Variants in LRIG3 observed in about 807,000 individuals in gnomAD.
The protein encoded by LRIG3 is leucine rich repeats and immunoglobulin like domains 3.
A neutral mutation model predicts 114.5 loss-of-function variants in LRIG3; 76 were observed. That is an observed-to-expected ratio of 0.66 (90% CI 0.55 to 0.80). The LOEUF is 0.80. Among genes scored for constraint, LRIG3 ranks in the 30% least tolerant of loss-of-function variants. The probability of loss-of-function intolerance (pLI) is 0.00; values close to 1 mark genes in which losing one functional copy is unlikely to be tolerated. For synonymous variants in LRIG3, 512 were observed against 519.8 expected, an observed-to-expected ratio of 0.98 and a Z score of 0.20; for missense variants, 1,239 against 1,382.8, an observed-to-expected ratio of 0.90 and a Z score of 1.65.
intron 1 of LRIG3, among the ~76,000 whole-genome samples, chr12:58,917,801 T>C (rs902688558): frequency 4.6e-5 from 7 of 152,188 alleles, no homozygotes; most frequent in Non-Finnish European, 1.0e-4. Context: ...AGGTAAGATA[T>C]GGGGAACAAA....
At position 58,915,585 on chromosome 12, in the gene LRIG3, A is replaced by G. The variant is rs1490978530; in HGVS notation, c.237-1249T>C. Among the ~76,000 whole-genome samples, 4 of 152,150 alleles carry G rather than the reference A, an allele frequency of 2.6e-5. No homozygotes were observed. The East Asian group carries it at 5.8e-4, about 22-fold the overall frequency. Reference sequence around the variant, plus strand: ...AAATCTGCAAGGTTTTATTTGAAGTATGTTTGCCCAAAGACCTACCAGACA... The same window carrying G: ...AAATCTGCAAGGTTTTATTTGAAGTGTGTTTGCCCAAAGACCTACCAGACA... On this transcript the variant is annotated intron_variant, in intron 1 of 18. Coordinates refer to ENST00000320743, the MANE Select transcript of LRIG3 (RefSeq NM_153377.5).
Position 58,920,007 on chromosome 12 carries a change from C to A in LRIG3, c.229G>T (p.Ala77Ser). Residue 77 changes from alanine (A) to serine (S), a missense_variant, in exon 1 of 19, where the codon GCT (alanine) becomes TCT (serine). Ala to Ser is a moderately conservative substitution (Grantham distance 99, BLOSUM62 1). Transcript: ENST00000320743. Reference protein sequence around the residue: ...RLPEPLPSWVARLDLSHNRLS... With the variant: ...RLPEPLPSWVSRLDLSHNRLS... ...CGCGGGAAGAATACTTACAGCCGAG[C>A]GACCCAGGACGGGAGTGGCTCGGGA... 1 of 1,552,446 alleles carries A rather than the reference C, an allele frequency of 6.4e-7. No individual in the cohort carries two copies. The highest frequency in any genetic ancestry group is 2.4e-5 in the East Asian group (1 of 41,446).
At chr12:58,908,211 A>G (rs544368760) in intron 3 of LRIG3, among the ~76,000 whole-genome samples, 1 of 152,188 alleles carries the variant, frequency 6.6e-6, no homozygotes, top group African/African-American at 2.4e-5. Flanking sequence ...TCATCAACAC[A>G]CCCTTGAAGA....
At chr12:58,889,392 TTC>T (rs1184252512) in intron 5 of LRIG3, among the ~76,000 whole-genome samples, 2 of 152,188 alleles carry the variant, frequency 1.3e-5, no homozygotes, top group Non-Finnish European at 2.9e-5. Context: ...GTTTAATGCT[TTC>T]TCTTTAAGGC....
At chr12:58,878,682 T>G in intron 14 of LRIG3, 142 bp downstream of exon 14, 1 of 989,886 alleles carries the variant, frequency 1.0e-6, no homozygotes, top group Non-Finnish European at 1.5e-6. Context: ...AAGAGGCCAT[T>G]TGCATTAATA....
intron 16 of LRIG3, among the ~76,000 whole-genome samples, chr12:58,874,812 A>G (rs978989047): frequency 6.6e-6 from 1 of 152,238 alleles, no homozygotes; most frequent in Non-Finnish European, 1.5e-5. Flanking sequence ...TGATATGTGC[A>G]GATCCTGCAG....
In LRIG3 at chr12:58,872,570, G is replaced by A. The variant is rs11172788; in HGVS notation, c.*2C>T. On this transcript the variant is annotated 3_prime_UTR_variant, in exon 19 of 19. Transcript: ENST00000320743. ...TAAGCTTTTCCTTTGGTCTCATTCA[G>A]TCTATGTGTCCAAGTCATAAGACTG... is the stretch of plus-strand genomic sequence containing the variant. 6.2e-7 allele frequency: 1 copy of A among 1,610,056 alleles called. No individual in the cohort carries two copies. The highest frequency in any genetic ancestry group is 8.5e-7 in the Non-Finnish European group (1 of 1,177,568).
intron 1 of LRIG3, among the ~76,000 whole-genome samples, chr12:58,916,715 G>C (rs958475490): frequency 6.6e-6 from 1 of 152,174 alleles, no homozygotes; most frequent in African/African-American, 2.4e-5. Context: ...AGTAAGGTAC[G>C]GAAGTGTTAA....
chr12:58,920,307 C>T lies in LRIG3; in HGVS notation c.-72G>A, dbSNP rs1872628593. The T allele has an allele frequency of 9.3e-6, 11 of 1,188,094 alleles. No individual in the cohort carries two copies. The highest frequency in any genetic ancestry group is 2.4e-5 in the South Asian group (1 of 41,034). The allele number at this position is 1,188,094 out of a possible 1,614,324, so 73.6% of individuals were successfully genotyped here. A position where few individuals can be genotyped will look rare whatever the true frequency, so the allele number is the denominator to read the frequency against. On this transcript the variant is annotated 5_prime_UTR_variant, in exon 1 of 19. Coordinates refer to ENST00000320743, the MANE Select transcript of LRIG3 (RefSeq NM_153377.5). ...GCGCTCGGGGCCCGGCACAAACTTC[C>T]AGCCGAGGGTGCACGCCCGCCCTCG...
chr12:58,885,666 T>G (rs1031113888), intron 10 of LRIG3, among the ~76,000 whole-genome samples, 165 bp downstream of exon 10: 1 of 152,152 alleles, frequency 6.6e-6, no homozygotes, highest in Non-Finnish European at 1.5e-5. Context: ...GGTAAGTAGG[T>G]AGACAGAGAA....
intron 3 of LRIG3, among the ~76,000 whole-genome samples, chr12:58,894,149 T>C (rs1326933258): frequency 6.6e-6 from 1 of 152,166 alleles, no homozygotes; most frequent in Non-Finnish European, 1.5e-5. Flanking sequence ...GCAGTAAAAG[T>C]ATGCTCCAGC....
chr12:58,893,683 A>G (rs1016861574), intron 3 of LRIG3, among the ~76,000 whole-genome samples: 2 of 152,178 alleles, frequency 1.3e-5, no homozygotes, highest in Non-Finnish European at 2.9e-5. Flanking sequence ...GTGTGGGTTA[A>G]ATAAAACCAC....
At chr12:58,915,592 C>T (rs1872451070) in intron 1 of LRIG3, among the ~76,000 whole-genome samples, 1 of 152,112 alleles carries the variant, frequency 6.6e-6, no homozygotes. Context: ...AGTATGTTTG[C>T]CCAAAGACCT....
intron 7 of LRIG3, 22 bp downstream of exon 7, chr12:58,888,307 G>C (rs763328690): frequency 9.9e-6 from 16 of 1,608,102 alleles, no homozygotes; most frequent in Non-Finnish European, 1.3e-5. Flanking sequence ...AACCTGAGGA[G>C]AATAAATAAA....
chr12:58,895,766 A>C (rs1871619879), intron 3 of LRIG3, among the ~76,000 whole-genome samples: 1 of 152,194 alleles, frequency 6.6e-6, no homozygotes, highest in African/African-American at 2.4e-5. Flanking sequence ...GCGCAAGGGC[A>C]CCAATCGGAG....
chr12:58,874,762 GT>G (rs1392994472), intron 16 of LRIG3, among the ~76,000 whole-genome samples, 189 bp from the exon 17 acceptor site: 1 of 152,202 alleles, frequency 6.6e-6, no homozygotes, highest in Non-Finnish European at 1.5e-5. Flanking sequence ...ATTGTGCTAG[GT>G]GTGGTGGCCT....
chr12:58,913,894 C>T, intron 3 of LRIG3, 88 bp downstream of exon 3: 1 of 1,148,882 alleles, frequency 8.7e-7, no homozygotes. Context: ...CCATTTTTTT[C>T]TTCTAAGATC....
intron 3 of LRIG3, 100 bp downstream of exon 3, chr12:58,913,882 T>C (rs1284071036): frequency 2.0e-6 from 2 of 1,024,236 alleles, no homozygotes; most frequent in Non-Finnish European, 1.4e-6. Context: ...GAAAAAAATA[T>C]TCCATTTTTT....
At chr12:58,907,990 C>A (rs1872128873) in intron 3 of LRIG3, among the ~76,000 whole-genome samples, 1 of 152,182 alleles carries the variant, frequency 6.6e-6, no homozygotes, top group Non-Finnish European at 1.5e-5. Flanking sequence ...AAATCGCCAT[C>A]CTTGGGATTC....
Sources: gnomAD v4.1 joint callset for allele counts (sites outside exome capture counted in the v4.1 genomes callset) on GRCh38, gnomAD v4.1.1 for gene constraint, MANE v1.5 for transcripts, NCBI Gene and HGNC (gene_info 2026-07-23, HGNC 2026-07-21) for gene names.